The following GPC6 variants were observed in gnomAD, a reference collection of about 807,000 sequenced individuals.
The protein encoded by GPC6 is glypican 6, also known as glypican-6.
A neutral mutation model predicts 55.2 loss-of-function variants in GPC6; 14 were observed. The ratio of observed to expected loss-of-function variants is 0.25; its 90% confidence interval spans 0.17 to 0.40. The LOEUF (loss-of-function observed/expected upper bound fraction) is 0.40, where lower values mean the gene tolerates loss of function less well. Among genes scored for constraint, GPC6 ranks in the 10% least tolerant of loss-of-function variants. The pLI is 1.00. For missense variants in GPC6, 641 were observed against 708.5 expected, an observed-to-expected ratio of 0.90 and a Z score of 1.08; for synonymous variants, 278 against 259.6, an observed-to-expected ratio of 1.07 and a Z score of -0.68.
chr13:94,087,674 C>G (rs1350032006), intron 4 of GPC6, among the ~76,000 whole-genome samples: 1 of 152,160 alleles, frequency 6.6e-6, no homozygotes, highest in Non-Finnish European at 1.5e-5. Context: ...AAAATCAGAT[C>G]CTGTATGACT....
At chr13:93,443,055 G>A (rs1247841409) in intron 1 of GPC6, among the ~76,000 whole-genome samples, 1 of 152,164 alleles carries the variant, frequency 6.6e-6, no homozygotes, top group East Asian at 1.9e-4. Context: ...ATAACTTGAT[G>A]AGCACTTTTG....
chr13:93,549,424 A>C (rs1875014563), intron 2 of GPC6, among the ~76,000 whole-genome samples: 1 of 152,206 alleles, frequency 6.6e-6, no homozygotes, highest in Non-Finnish European at 1.5e-5. Context: ...GCAAATATTC[A>C]GCTAGTAGTA....
chr13:93,469,715 G>A (rs542358225), intron 1 of GPC6, among the ~76,000 whole-genome samples: 16 of 152,168 alleles, frequency 1.1e-4, no homozygotes, highest in Non-Finnish European at 2.2e-4. Flanking sequence ...AGGTTTTATG[G>A]TTATGGATTC....
intron 2 of GPC6, among the ~76,000 whole-genome samples, chr13:93,783,549 C>CAAA (rs576640705): frequency 2.7e-4 from 41 of 150,120 alleles, no homozygotes; most frequent in Non-Finnish European, 5.2e-4. Context: ...TATTGTATCT[C>CAAA]ACTGTGGTTT....
rs531553608 is a variant in GPC6 at position 93,336,883 on chromosome 13, G to A, written c.160+109267G>A. 2.6e-4 allele frequency among the ~76,000 whole-genome samples: 40 copies of A among 152,216 alleles called. 1 individual carries two copies. In the South Asian group the frequency reaches 7.3e-3, roughly 28 times the overall value. Reference sequence around the variant, plus strand: ...GCACCACCCTGAGCTTAATAGAGCCGTCTTTCATTGCCTGTTAACAAGCTG... The same window carrying A: ...GCACCACCCTGAGCTTAATAGAGCCATCTTTCATTGCCTGTTAACAAGCTG... On this transcript the variant is annotated intron_variant, in intron 1 of 8. Coordinates refer to ENST00000377047, the MANE Select transcript of GPC6 (RefSeq NM_005708.5).
intron 3 of GPC6, among the ~76,000 whole-genome samples, chr13:93,950,050 G>A (rs1283888604): frequency 1.3e-5 from 2 of 152,176 alleles, no homozygotes; most frequent in African/African-American, 4.8e-5. Context: ...CAGAGTTTCT[G>A]TCTGGATGAT....
rs1880752558 is a variant in GPC6 at position 93,980,531 on chromosome 13, AT to A, written c.712-47196del. Among the ~76,000 whole-genome samples, 4 of 152,160 alleles carry A rather than the reference AT, an allele frequency of 2.6e-5. No homozygotes were observed. The South Asian group carries it at 8.3e-4, about 32-fold the overall frequency. On this transcript the variant is annotated intron_variant, in intron 3 of 8. Transcript: ENST00000377047. ...TAGTATTGAATGTGTAAGGGATGGC[AT>A]TGGCACTCTAGCTAGATCCTCTTTA...
chr13:93,678,604 A>G (rs573041436), intron 2 of GPC6, among the ~76,000 whole-genome samples: 1 of 152,320 alleles, frequency 6.6e-6, no homozygotes, highest in East Asian at 1.9e-4. Context: ...CACTCCCTGC[A>G]GTCAGAGTTA....
At chr13:93,590,735 C>T (rs2139506643) in intron 2 of GPC6, among the ~76,000 whole-genome samples, 1 of 152,186 alleles carries the variant, frequency 6.6e-6, no homozygotes, top group South Asian at 2.1e-4. Context: ...TACCAGGAAG[C>T]CTTTATCTTC....
At chr13:94,237,778 G>A (rs1211114230) in intron 4 of GPC6, among the ~76,000 whole-genome samples, 1 of 152,148 alleles carries the variant, frequency 6.6e-6, no homozygotes, top group Admixed American at 6.6e-5. Context: ...GGATTTGTAA[G>A]CCAGGGTTAT....
chr13:93,363,107 C>CTTT (rs1181781265), intron 1 of GPC6, among the ~76,000 whole-genome samples: 2 of 126,246 alleles, frequency 1.6e-5, no homozygotes, highest in African/African-American at 3.1e-5. Flanking sequence ...TTTTTCTTTC[C>CTTT]TTTTTTTTTG....
chr13:94,035,820 C>T lies in GPC6; in HGVS notation c.877+7926C>T, dbSNP rs190614101. Among the ~76,000 whole-genome samples the T allele has an allele frequency of 3.3e-5, 5 of 151,994 alleles. No homozygotes were observed. The East Asian group carries it at 7.7e-4, about 23-fold the overall frequency. The stretch of plus-strand genomic sequence containing the variant: ...TGTGTGTGTGGATATATATATATTT[C>T]GATTGCTCTGAAACCTCCTTTAATT... On this transcript the variant is annotated intron_variant, in intron 4 of 8. Coordinates refer to ENST00000377047, the MANE Select transcript of GPC6 (RefSeq NM_005708.5).
At chr13:94,125,815 A>G (rs1593959665) in intron 4 of GPC6, among the ~76,000 whole-genome samples, 1 of 152,148 alleles carries the variant, frequency 6.6e-6, no homozygotes, top group African/African-American at 2.4e-5. Flanking sequence ...TAAAAGTTAC[A>G]TTATAAACTC....
rs2139105724 is a variant in GPC6, at chr13:93,309,244, A to C, written c.160+81628A>C. 2.0e-5 allele frequency among the ~76,000 whole-genome samples: 3 copies of C among 152,180 alleles called. No homozygotes were observed. In the South Asian group the frequency reaches 6.2e-4, roughly 32 times the overall value. ...TGATATAACAAATTGTGACTTTTTAAGTATAAAAGTCAATATTTTGGTAGG... is the reference window on the plus strand; with the variant it reads ...TGATATAACAAATTGTGACTTTTTACGTATAAAAGTCAATATTTTGGTAGG... On this transcript the variant is annotated intron_variant, in intron 1 of 8. Coordinates refer to ENST00000377047, the MANE Select transcript of GPC6 (RefSeq NM_005708.5).
intron 1 of GPC6, among the ~76,000 whole-genome samples, chr13:93,427,358 A>T (rs1232923792): frequency 6.6e-6 from 1 of 151,766 alleles, no homozygotes; most frequent in Non-Finnish European, 1.5e-5. Context: ...CTATACTACA[A>T]GGCTACAGTA....
chr13:93,420,444 C>T (rs1365070213), intron 1 of GPC6, among the ~76,000 whole-genome samples: 1 of 151,928 alleles, frequency 6.6e-6, no homozygotes, highest in Non-Finnish European at 1.5e-5. Context: ...CAAAAGCCCT[C>T]AGAGGGAGTG....
rs1332581883 is a variant in GPC6 at position 93,227,632 on chromosome 13, C to A, written c.160+16C>A. On this transcript the variant is annotated intron_variant, in intron 1 of 8. Coordinates refer to ENST00000377047, the MANE Select transcript of GPC6 (RefSeq NM_005708.5). This position sits in a 1 kb window ranked among gnomAD's most constrained non-coding sequence, Gnocchi z 4.3. Reference sequence around the variant, plus strand: ...GAGATCGCAGGTAAGCGCGGGCGCGCTGCAGGGGCAGGCTGCAGCCCTCGG... The same window carrying A: ...GAGATCGCAGGTAAGCGCGGGCGCGATGCAGGGGCAGGCTGCAGCCCTCGG... 1.3e-6 allele frequency: 2 copies of A among 1,587,504 alleles called. No homozygotes were observed. The highest frequency in any genetic ancestry group is 1.7e-6 in the Non-Finnish European group (2 of 1,170,398).
chr13:94,348,946 C>G (rs897629292), intron 6 of GPC6, among the ~76,000 whole-genome samples: 3 of 152,196 alleles, frequency 2.0e-5, no homozygotes, highest in African/African-American at 2.4e-5. Context: ...TGTTCAGTCT[C>G]AGGTACTCCC....
intron 1 of GPC6, among the ~76,000 whole-genome samples, chr13:93,490,477 T>TTTTA (rs1555304743): frequency 7.2e-6 from 1 of 138,874 alleles, no homozygotes; most frequent in Admixed American, 7.1e-5. Context: ...TTTTTTTTTT[T>TTTTA]CAACTTGAGT....
Sources: allele counts gnomAD v4.1 joint callset (sites outside exome capture counted in the v4.1 genomes callset), GRCh38; gene constraint gnomAD v4.1.1; non-coding constraint Gnocchi (gnomAD v3.1); transcripts MANE v1.5; gene names NCBI Gene and HGNC (gene_info 2026-07-23, HGNC 2026-07-21).